Variants in CD320 observed in about 807,000 individuals in gnomAD.
The protein encoded by CD320 is CD320 antigen.
CD320 carries 16 observed loss-of-function variants against 22.1 expected under a neutral mutation model. The observed-to-expected ratio is 0.73, with a 90% CI of 0.49 to 1.10. The LOEUF (loss-of-function observed/expected upper bound fraction) is 1.10, where lower values mean the gene tolerates loss of function less well. Ranked by LOEUF, CD320 falls within the 50% of genes least tolerant of loss-of-function variation. CD320 has a pLI of 0.00. For synonymous variants in CD320, 188 were observed against 167.8 expected (o/e 1.12, Z -0.93); for missense variants, 388 against 376.9 (o/e 1.03, Z -0.24).
chr19:8,307,349 AC>A (rs1743511699), intron 1 of CD320, among the ~76,000 whole-genome samples: 4 of 65,666 alleles, frequency 6.1e-5, no homozygotes, highest in East Asian at 6.3e-4. Flanking sequence ...AAAAAAACAA[AC>A]AAAAAAAAAC....
At position 8,305,026 on chromosome 19, in the gene CD320, C is replaced by G; in HGVS notation, c.268+5G>C. 6.2e-7 allele frequency: 1 copy of G among 1,605,538 alleles called. No individual in the cohort carries two copies. Among genetic ancestry groups the G allele is most frequent in the South Asian group, 1.1e-5 (1 of 91,032 alleles). On this transcript the variant is annotated splice_donor_5th_base_variant and intron_variant, in intron 2 of 4. Coordinates refer to ENST00000301458, the MANE Select transcript of CD320 (RefSeq NM_016579.4). ...TAAGCCCCGCCAAGGGGCGTGGCCA[C>G]TCACTGCACTCCTCCTCATCGCTGC...
Position 8,302,997 on chromosome 19 carries a change from C to A in CD320, c.503-17G>T, listed in dbSNP as rs766215870. ...CATTGGTTCCTGCAATAAGCCCAGG[C>A]GTTCAGTAGTTGAGGAGAGAGCACT... On this transcript the variant is annotated splice_polypyrimidine_tract_variant and intron_variant, in intron 3 of 4. Transcript: ENST00000301458. 6.2e-7 allele frequency: 1 copy of A among 1,610,968 alleles called. No individual in the cohort carries two copies. The highest frequency in any genetic ancestry group is 1.7e-5 in the Admixed American group (1 of 59,784).
chr19:8,306,207 G>A (rs1197877195), intron 1 of CD320, among the ~76,000 whole-genome samples: 4 of 152,070 alleles, frequency 2.6e-5, no homozygotes, highest in Non-Finnish European at 5.9e-5. Flanking sequence ...GTCCCTCTTG[G>A]AGACCTAGGA....
At position 8,305,141 on chromosome 19, in the gene CD320, G is replaced by T; in HGVS notation, c.158C>A (p.Ser53Ter). The change falls in exon 2 of 5, where the codon TCG (serine) becomes TAG (stop). Residue 53 changes from serine (S) to a stop codon, truncating the protein, a stop_gained. Transcript: ENST00000301458. LOFTEE classifies it high-confidence loss of function. The part of the protein sequence containing the change: ...SAQAAGPSSG[S>*]CPPTKFQCRT... ...GCACTGGAACTTGGTGGGTGGGCAC[G>T]AGCCTGAGCTGGGGCCTGCGAGATG... is the stretch of plus-strand genomic sequence containing the variant. The T allele has an allele frequency of 6.2e-7, 1 of 1,608,860 alleles. No homozygotes were observed.
rs202203481 is a variant in CD320, at chr19:8,302,937, C to T, written c.546G>A (p.Gly182=). The change falls in exon 4 of 5, where the codon GGG becomes GGA. Residue 182 remains glycine (G), a synonymous_variant. Coordinates refer to ENST00000301458, the MANE Select transcript of CD320 (RefSeq NM_016579.4). ...TGACACTCTCCAGGGTCACAGGGGG[C>T]CCCATGGTTGTGGCATCCCCTTCCG... The part of the protein sequence containing the change: ...ILPEGDATTM[G]PPVTLESVTS... 9.3e-6 allele frequency: 15 copies of T among 1,614,044 alleles called. No individual in the cohort carries two copies. The East Asian group carries it at 3.3e-4, about 36-fold the overall frequency.
At chr19:8,308,096 G>T in intron 1 of CD320, 53 bp downstream of exon 1, 1 of 1,418,290 alleles carries the variant, frequency 7.1e-7, no homozygotes, top group Non-Finnish European at 9.1e-7. Flanking sequence ...GTGCGCGGCG[G>T]CGGGGCGAAG....
chr19:8,308,125 C>G (rs751994617), intron 1 of CD320, 24 bp downstream of exon 1: 2 of 1,475,058 alleles, frequency 1.4e-6, no homozygotes, highest in South Asian at 1.4e-5. Flanking sequence ...GGGGTGGGAG[C>G]CCGCGCTGCG....
At position 8,303,879 on chromosome 19, in the gene CD320, C is replaced by G; in HGVS notation, c.478G>C (p.Asp160His). Reference sequence around the variant, plus strand: ...CCACAGCCGAGCTCGTCGCTGGAGTCGGGACAGTCTGGGTGGCCGTCGCAG... The same window carrying G: ...CCACAGCCGAGCTCGTCGCTGGAGTGGGGACAGTCTGGGTGGCCGTCGCAG... Reference protein sequence around the residue: ...WRCDGHPDCPDSSDELGCGTN... With the variant: ...WRCDGHPDCPHSSDELGCGTN... Residue 160 changes from aspartate (D) to histidine (H), a missense_variant, in exon 3 of 5, where the codon GAC becomes CAC. Physicochemically the swap from Asp to His is moderately conservative, Grantham distance 81 (BLOSUM62 -1). Transcript: ENST00000301458. The G allele has an allele frequency of 1.2e-6, 2 of 1,604,342 alleles. No homozygotes were observed. The highest frequency in any genetic ancestry group is 1.7e-6 in the Non-Finnish European group (2 of 1,175,944).
rs1363620242 is a variant in CD320, at chr19:8,305,042, TCATCGCTGC to T, written c.248_256del (p.Gly83_Asp85del). 6.2e-7 allele frequency: 1 copy of T among 1,608,706 alleles called. No individual in the cohort carries two copies. The highest frequency in any genetic ancestry group is 8.5e-7 in the Non-Finnish European group (1 of 1,179,814). On this transcript the variant is annotated inframe_deletion, in exon 2 of 5. Coordinates refer to ENST00000301458, the MANE Select transcript of CD320 (RefSeq NM_016579.4). ...GCGTGGCCACTCACTGCACTCCTCC[TCATCGCTGC>T]CATCGCTGCAGTCCAAGTCCCTGTC... is the stretch of plus-strand genomic sequence containing the variant.
chr19:8,304,996 C>T lies in CD320; in HGVS notation c.268+35G>A, dbSNP rs2232781. 624 of 1,599,036 alleles carry T rather than the reference C, an allele frequency of 3.9e-4. 1 individual carries two copies. In the African/African-American group the frequency reaches 7.4e-3, roughly 19 times the overall value. On this transcript the variant is annotated intron_variant, in intron 2 of 4. Coordinates refer to ENST00000301458, the MANE Select transcript of CD320 (RefSeq NM_016579.4). ...TGACAAACCACCCTCAGGCCCCGCCCCCTGTAAGCCCCGCCAAGGGGCGTG... is the reference window on the plus strand; with the variant it reads ...TGACAAACCACCCTCAGGCCCCGCCTCCTGTAAGCCCCGCCAAGGGGCGTG...
intron 1 of CD320, 100 bp from the exon 2 acceptor site, chr19:8,305,256 T>A: frequency 6.9e-7 from 1 of 1,440,270 alleles, no homozygotes; most frequent in Non-Finnish European, 9.4e-7. Context: ...ACAGGCGAAG[T>A]CCCGGGATAT....
chr19:8,304,905 C>A (rs1445431616), intron 2 of CD320, 126 bp downstream of exon 2: 8 of 1,138,416 alleles, frequency 7.0e-6, no homozygotes, highest in African/African-American at 1.5e-5. Flanking sequence ...GACCCACAGA[C>A]CCAAGTCGCA....
intron 1 of CD320, 35 bp from the exon 2 acceptor site, chr19:8,305,191 G>A: frequency 6.4e-7 from 1 of 1,562,426 alleles, no homozygotes; most frequent in Non-Finnish European, 8.7e-7. Flanking sequence ...CTGGGAAGCT[G>A]GAGGCTGGAC....
chr19:8,304,119 GC>G, intron 2 of CD320, 31 bp from the exon 3 acceptor site: 1 of 1,207,754 alleles, frequency 8.3e-7, no homozygotes, highest in Non-Finnish European at 1.2e-6. Context: ...GGTCCCAAAT[GC>G]CCACCCAAGA....
intron 1 of CD320, among the ~76,000 whole-genome samples, chr19:8,307,653 GGA>G (rs1970112327): frequency 6.6e-6 from 1 of 152,204 alleles, no homozygotes; most frequent in Non-Finnish European, 1.5e-5. Context: ...AGCATGGGGG[GGA>G]GAGACCTCGC....
rs371432802 is a variant in CD320, at chr19:8,308,216, G to A, written c.75C>T (p.Leu25=). 50 of 1,575,200 alleles carry A rather than the reference G, an allele frequency of 3.2e-5. No homozygotes were observed. The highest frequency in any genetic ancestry group is 3.8e-5 in the Non-Finnish European group (44 of 1,167,648). ...GALGLALLLL[L]GLGLGLEAAA... ...CGGCCTCCAGGCCTAGTCCGAGGCC[G>A]AGCAGCAGCAGCAGCGCCAGGCCCA... is the stretch of plus-strand genomic sequence containing the variant. Residue 25 remains leucine (L), a synonymous_variant, in exon 1 of 5, where the codon CTC becomes CTT. Coordinates refer to ENST00000301458, the MANE Select transcript of CD320 (RefSeq NM_016579.4).
chr19:8,304,044 CA>C lies in CD320; in HGVS notation c.312del (p.Gly105AlafsTer29). On this transcript the variant is annotated frameshift_variant, in exon 3 of 5. Transcript: ENST00000301458. LOFTEE classifies it high-confidence loss of function. ...ACGCCGGTGCAGGGGCAGGGGAGGC[CA>C]GGGGGCGGTGGGCATTGCCCTTTCT... The part of the protein sequence containing the change: ...CTQKGQCPPP[P>X]GLPCPCTGVS... 2.6e-6 allele frequency: 4 copies of C among 1,559,220 alleles called. No homozygotes were observed. Among genetic ancestry groups the C allele is most frequent in the Non-Finnish European group, 3.5e-6 (4 of 1,150,832 alleles).
chr19:8,307,656 G>A (rs903079892), intron 1 of CD320, among the ~76,000 whole-genome samples: 21 of 152,182 alleles, frequency 1.4e-4, no homozygotes, highest in Admixed American at 1.0e-3. Flanking sequence ...ATGGGGGGGA[G>A]AGACCTCGCG....
In CD320 at chr19:8,303,937, C is replaced by T. The variant is rs1300782316; in HGVS notation, c.420G>A (p.Thr140=). The change falls in exon 3 of 5, where the codon ACG becomes ACA. Residue 140 remains threonine, a synonymous_variant. Transcript: ENST00000301458. ...LACLAGELRC[T]LSDDCIPLTW... is the part of the protein sequence containing the mutation. Reference sequence around the variant, plus strand: ...TGAGTGGAATGCAGTCATCGCTCAGCGTGCAACGGAGCTCGCCTGCTAGGC... The same window carrying T: ...TGAGTGGAATGCAGTCATCGCTCAGTGTGCAACGGAGCTCGCCTGCTAGGC... The T allele has an allele frequency of 1.0e-5, 16 of 1,599,602 alleles. No homozygotes were observed. Among genetic ancestry groups the T allele is most frequent in the Non-Finnish European group, 1.3e-5 (15 of 1,173,502 alleles).
Sources: allele counts gnomAD v4.1 joint callset (sites outside exome capture counted in the v4.1 genomes callset), GRCh38; gene constraint gnomAD v4.1.1; transcripts MANE v1.5; gene names NCBI Gene and HGNC (gene_info 2026-07-23, HGNC 2026-07-21).